The following ATP5F1B variants were observed in gnomAD, a reference collection of about 807,000 sequenced individuals.
ATP5F1B encodes the protein ATP synthase F(1) complex subunit beta, mitochondrial.
ATP5F1B carries 17 observed loss-of-function variants against 45.9 expected under a neutral mutation model. The observed-to-expected ratio is 0.37, with a 90% CI of 0.25 to 0.56. ATP5F1B has a LOEUF of 0.56. Ranked by LOEUF, ATP5F1B falls within the 20% of genes least tolerant of loss-of-function variation. ATP5F1B has a pLI of 0.80. For missense variants in ATP5F1B, 387 were observed against 673.2 expected (o/e 0.57, Z 4.70); for synonymous variants, 218 against 256.5 (o/e 0.85, Z 1.43).
Position 56,643,515 on chromosome 12 carries a change from T to C in ATP5F1B, c.680A>G (p.His227Arg). Residue 227 changes from histidine (H) to arginine (R), a missense_variant, in exon 5 of 10, where the codon CAT (histidine) becomes CGT (arginine). Physicochemically the swap from His to Arg is conservative, Grantham distance 29 (BLOSUM62 0). Transcript: ENST00000262030. ...MELINNVAKA[H>R]GGYSVFAGVG... The stretch of plus-strand genomic sequence containing the variant: ...ACCAGCAAACACAGAGTAACCACCA[T>C]GGGCTTTGGCGACATTGTTGATTAA... The C allele has an allele frequency of 6.2e-7, 1 of 1,614,130 alleles. No homozygotes were observed. The highest frequency in any genetic ancestry group is 8.5e-7 in the Non-Finnish European group (1 of 1,180,034).
rs758635452 is a variant in ATP5F1B, at chr12:56,643,597, G to A, written c.608-10C>T. ...GCACCACCAAAAAGCCCTATAAGAG[G>A]TTGAAAAGAAAGAATATTTAAGAGT... On this transcript the variant is annotated splice_polypyrimidine_tract_variant and intron_variant, in intron 4 of 9. Transcript: ENST00000262030. The A allele has an allele frequency of 1.1e-5, 17 of 1,613,480 alleles. No individual in the cohort carries two copies. Among genetic ancestry groups the A allele is most frequent in the Non-Finnish European group, 1.4e-5 (16 of 1,179,762 alleles).
rs1565846824 is a variant in ATP5F1B at position 56,638,311 on chromosome 12, G to A, written c.*12C>T. 1 of 1,610,570 alleles carries A rather than the reference G, an allele frequency of 6.2e-7. No homozygotes were observed. ...GGGCAAGGAGAGAGACAGTACAGAG[G>A]ACAAAGACCCCTCACGATGAATGCT... On this transcript the variant is annotated 3_prime_UTR_variant, in exon 10 of 10. Transcript: ENST00000262030.
At chr12:56,640,260 G>C in intron 7 of ATP5F1B, 68 bp from the exon 8 acceptor site, 2 of 1,357,748 alleles carry the variant, frequency 1.5e-6, no homozygotes, top group East Asian at 5.0e-5. Context: ...AGAGGGTCTC[G>C]CTCTGTCGCC....
chr12:56,641,359 G>A lies in ATP5F1B; in HGVS notation c.1074+1099C>T, dbSNP rs1232951446. ...GCCTGGGCAATAAGAGTGAAACTCC[G>A]TCTCAAAAAAAAAAAAAAAAGAATT... On this transcript the variant is annotated intron_variant, in intron 7 of 9. Transcript: ENST00000262030. Among the ~76,000 whole-genome samples the A allele has an allele frequency of 3.4e-4, 47 of 137,592 alleles. No homozygotes were observed. The South Asian group carries it at 5.1e-3, about 15-fold the overall frequency. The allele number at this position is 137,592 out of a possible 152,430, so 90.3% of individuals were successfully genotyped here.
Position 56,645,362 on chromosome 12 carries a change from C to CA in ATP5F1B, c.128-10dup. Reference sequence around the variant, plus strand: ...CGCCGCATAGTCCCTGACTAACAGACAAAAGATATTGGAAGGAGCTGGGGT... The same window carrying CA: ...CGCCGCATAGTCCCTGACTAACAGACAAAAAGATATTGGAAGGAGCTGGGGT... On this transcript the variant is annotated splice_polypyrimidine_tract_variant and intron_variant, in intron 1 of 9. Transcript: ENST00000262030. 1 of 1,609,912 alleles carries CA rather than the reference C, an allele frequency of 6.2e-7. No homozygotes were observed. The highest frequency in any genetic ancestry group is 8.5e-7 in the Non-Finnish European group (1 of 1,177,272).
chr12:56,638,861 A>G (rs1951491499), intron 9 of ATP5F1B, among the ~76,000 whole-genome samples: 1 of 152,154 alleles, frequency 6.6e-6, no homozygotes, highest in Admixed American at 6.5e-5. Flanking sequence ...GCACCAGTGT[A>G]CTCCAGCCTG....
At position 56,645,489 on chromosome 12, in the gene ATP5F1B, A is replaced by C. The variant is rs901336965; in HGVS notation, c.128-136T>G. On this transcript the variant is annotated intron_variant, in intron 1 of 9. Coordinates refer to ENST00000262030, the MANE Select transcript of ATP5F1B (RefSeq NM_001686.4). ...TCCGCTTGTACGGAACGCGTGTCCA[A>C]GAGGGAAGGCCGCGCAGCGATCGAT... is the stretch of plus-strand genomic sequence containing the variant. The C allele has an allele frequency of 1.4e-5, 15 of 1,069,948 alleles. No individual in the cohort carries two copies. The South Asian group carries it at 2.5e-4, about 18-fold the overall frequency. The allele number at this position is 1,069,948 out of a possible 1,614,324, so 66.3% of individuals were successfully genotyped here. A position where few individuals can be genotyped will look rare whatever the true frequency, so the allele number is the denominator to read the frequency against.
Position 56,640,209 on chromosome 12 carries a change from T to C in ATP5F1B, c.1075-17A>G. 6.2e-7 allele frequency: 1 copy of C among 1,604,248 alleles called. No homozygotes were observed. The highest frequency in any genetic ancestry group is 8.5e-7 in the Non-Finnish European group (1 of 1,175,420). On this transcript the variant is annotated splice_polypyrimidine_tract_variant and intron_variant, in intron 7 of 9. Transcript: ENST00000262030. ...ATAGATAGCCTAAAGTGAGATCCCA[T>C]GAAGAACAGGAACCAAAGTAAATTT...
At chr12:56,638,449 AAG>A (rs751141435) in intron 9 of ATP5F1B, 26 bp from the exon 10 acceptor site, 12 of 1,540,720 alleles carry the variant, frequency 7.8e-6, no homozygotes, top group African/African-American at 1.4e-5. Flanking sequence ...GAAAAAAAAA[AAG>A]AGTAAGAAGC....
Position 56,642,781 on chromosome 12 carries a change from C to T in ATP5F1B, c.843G>A (p.Arg281=). 1 of 1,614,068 alleles carries T rather than the reference C, an allele frequency of 6.2e-7. No individual in the cohort carries two copies. Among genetic ancestry groups the T allele is most frequent in the South Asian group, 1.1e-5 (1 of 91,086 alleles). ...QMNEPPGARA[R]VALTGLTVAE... is the part of the protein sequence containing the mutation. ...CCACAGTCAGCCCAGTCAGAGCTAC[C>T]CGGGCACGAGCACCAGGTGGTTCAT... Residue 281 remains arginine, a synonymous_variant, in exon 6 of 10, where the codon CGG becomes CGA. Coordinates refer to ENST00000262030, the MANE Select transcript of ATP5F1B (RefSeq NM_001686.4).
chr12:56,643,644 A>T (rs757230188), intron 4 of ATP5F1B, 57 bp from the exon 5 acceptor site: 2 of 1,606,640 alleles, frequency 1.2e-6, no homozygotes, highest in Non-Finnish European at 1.7e-6. Flanking sequence ...AAATAAGCAA[A>T]CTTCAAAAAA....
rs1951539206 is a variant in ATP5F1B at position 56,644,973 on chromosome 12, C to T, written c.311-18G>A. 1.2e-6 allele frequency: 2 copies of T among 1,613,998 alleles called. No individual in the cohort carries two copies. The highest frequency in any genetic ancestry group is 1.7e-6 in the Non-Finnish European group (2 of 1,179,968). ...GCTCTCACCTGTTAGATACAGGCAT[C>T]GCAGGGTTATACATAAGGATAAATT... On this transcript the variant is annotated intron_variant, in intron 2 of 9. Transcript: ENST00000262030.
Position 56,644,975 on chromosome 12 carries a change from C to A in ATP5F1B, c.311-20G>T. ...TCTCACCTGTTAGATACAGGCATCG[C>A]AGGGTTATACATAAGGATAAATTGG... On this transcript the variant is annotated intron_variant, in intron 2 of 9. Transcript: ENST00000262030. The A allele has an allele frequency of 6.2e-7, 1 of 1,614,124 alleles. No homozygotes were observed. The highest frequency in any genetic ancestry group is 8.5e-7 in the Non-Finnish European group (1 of 1,179,966).
intron 8 of ATP5F1B, 170 bp downstream of exon 8, chr12:56,639,810 C>T (rs1327681810): frequency 6.4e-6 from 4 of 624,808 alleles, no homozygotes; most frequent in South Asian, 2.1e-5. Flanking sequence ...CATTCCAAAG[C>T]GTTAAGTACC....
Position 56,638,266 on chromosome 12 carries a change from A to G in ATP5F1B, c.*57T>C. The G allele has an allele frequency of 6.9e-7, 1 of 1,454,362 alleles. No homozygotes were observed. Among genetic ancestry groups the G allele is most frequent in the South Asian group, 1.2e-5 (1 of 85,138 alleles). The allele number at this position is 1,454,362 out of a possible 1,614,324, so 90.1% of individuals were successfully genotyped here. On this transcript the variant is annotated 3_prime_UTR_variant, in exon 10 of 10. Transcript: ENST00000262030. ...GGCTCTTGTGCAGCCTACACAGAAA[A>G]ATGAAGCTTTTTGGGTTAGGGGCAA...
At chr12:56,643,694 G>A in intron 4 of ATP5F1B, 107 bp from the exon 5 acceptor site, 1 of 1,578,796 alleles carries the variant, frequency 6.3e-7, no homozygotes. Flanking sequence ...CTCAGAAATT[G>A]CATCTGGCTT....
chr12:56,645,738 T>C, intron 1 of ATP5F1B, 99 bp downstream of exon 1: 1 of 1,546,092 alleles, frequency 6.5e-7, no homozygotes, highest in Admixed American at 2.0e-5. Context: ...GGCATCCTTT[T>C]AACACCACGG....
intron 9 of ATP5F1B, among the ~76,000 whole-genome samples, 174 bp downstream of exon 9, chr12:56,638,932 T>C (rs756435909): frequency 6.6e-6 from 1 of 152,188 alleles, no homozygotes; most frequent in Non-Finnish European, 1.5e-5. Context: ...GAGAATCAAG[T>C]AACAAATCAC....
chr12:56,641,233 C>T (rs1344355403), intron 7 of ATP5F1B, among the ~76,000 whole-genome samples: 6 of 151,242 alleles, frequency 4.0e-5, no homozygotes, highest in Admixed American at 1.3e-4. Context: ...GGCCTGGTGT[C>T]GGGCACCTAT....
Sources: gnomAD v4.1 joint callset for allele counts (sites outside exome capture counted in the v4.1 genomes callset) on GRCh38, gnomAD v4.1.1 for gene constraint, MANE v1.5 for transcripts, NCBI Gene and HGNC (gene_info 2026-07-23, HGNC 2026-07-21) for gene names.